The following MTMR11 variants were observed in gnomAD, a reference collection of about 807,000 sequenced individuals.
The protein encoded by MTMR11 is myotubularin related protein 11.
Under a neutral mutation model 100.0 loss-of-function variants are expected in MTMR11, and 89 were observed. That is an observed-to-expected ratio of 0.89 (90% CI 0.75 to 1.06). The LOEUF is 1.06. MTMR11 is among the 50% of genes least tolerant of loss of function. The probability of loss-of-function intolerance (pLI) is 0.00; values close to 1 mark genes in which losing one functional copy is unlikely to be tolerated. For synonymous variants in MTMR11, 336 were observed against 326.3 expected, an observed-to-expected ratio of 1.03 and a Z score of -0.32; for missense variants, 809 against 873.7, an observed-to-expected ratio of 0.93 and a Z score of 0.93.
chr1:149,931,919 G>A (rs1230140911), intron 12 of MTMR11, 25 bp downstream of exon 12: 1 of 1,587,136 alleles, frequency 6.3e-7, no homozygotes, highest in Non-Finnish European at 8.7e-7. Context: ...GCAAGGAATG[G>A]AATGGGCTTA....
At chr1:149,931,177 C>T in intron 13 of MTMR11, 83 bp downstream of exon 13, 1 of 1,573,318 alleles carries the variant, frequency 6.4e-7, no homozygotes, top group Admixed American at 1.7e-5. Context: ...CCGGATTCAC[C>T]TCCAATGGAT....
rs376225059 is a variant in MTMR11 at position 149,936,168 on chromosome 1, G to A, written c.128C>T (p.Ser43Phe). 14 of 1,613,982 alleles carry A rather than the reference G, an allele frequency of 8.7e-6. No homozygotes were observed. Among genetic ancestry groups the A allele is most frequent in the Non-Finnish European group, 1.1e-5 (13 of 1,180,000 alleles). The change falls in exon 2 of 17, where the codon TCC becomes TTC. Residue 43 changes from serine (S) to phenylalanine (F), a missense_variant. Physicochemically the swap from Ser to Phe is radical, Grantham distance 155. Coordinates refer to ENST00000439741, the MANE Select transcript of MTMR11 (RefSeq NM_001145862.2). ...RSRQPSSCLA[S>F]RCLPGEQILA... ...GGCATTATTACCTGGGAGGCATCTGGAGGCCAGGCAACTGCTAGGCTGACG... is the reference window on the plus strand; with the variant it reads ...GGCATTATTACCTGGGAGGCATCTGAAGGCCAGGCAACTGCTAGGCTGACG...
rs1553767433 is a variant in MTMR11 at position 149,930,917 on chromosome 1, G to A, written c.1339C>T (p.Gln447Ter). 12 of 1,612,722 alleles carry A rather than the reference G, an allele frequency of 7.4e-6. No homozygotes were observed. Among genetic ancestry groups the A allele is most frequent in the Admixed American group, 1.7e-5 (1 of 59,650 alleles). ...FLDCVWQLLQ[Q>*]FPADFEFSEF... ...GAGAATTCAAAATCAGCTGGAAACT[G>A]CTGGAGGAGCTGCCAGACACAATCA... is the stretch of plus-strand genomic sequence containing the variant. The change falls in exon 14 of 17, where the codon CAG (glutamine) becomes TAG (stop). Residue 447 changes from glutamine (Q) to a stop codon, truncating the protein, a stop_gained. Transcript: ENST00000439741. LOFTEE classifies it high-confidence loss of function.
At chr1:149,936,349 G>A in intron 1 of MTMR11, 120 bp from the exon 2 acceptor site, 4 of 1,510,690 alleles carry the variant, frequency 2.6e-6, no homozygotes, top group Non-Finnish European at 2.6e-6. Flanking sequence ...ATCAGTGTCT[G>A]TGGGGAGCTC....
chr1:149,934,039 G>A, intron 7 of MTMR11, 97 bp from the exon 8 acceptor site: 3 of 1,541,688 alleles, frequency 1.9e-6, no homozygotes, highest in Non-Finnish European at 2.7e-6. Flanking sequence ...ACCATTCCAA[G>A]GGATTTCAGG....
intron 16 of MTMR11, 27 bp downstream of exon 16, chr1:149,929,596 C>T: frequency 6.3e-7 from 1 of 1,592,720 alleles, no homozygotes; most frequent in Middle Eastern, 2.3e-4. Context: ...TCCCTTGTCC[C>T]ACTCCCAGTC....
Position 149,928,997 on chromosome 1 carries a change from T to C in MTMR11, c.*132A>G. 6.2e-7 allele frequency: 1 copy of C among 1,608,372 alleles called. No homozygotes were observed. The highest frequency in any genetic ancestry group is 8.5e-7 in the Non-Finnish European group (1 of 1,176,958). On this transcript the variant is annotated 3_prime_UTR_variant, in exon 17 of 17. Coordinates refer to ENST00000439741, the MANE Select transcript of MTMR11 (RefSeq NM_001145862.2). ...TTGTAGAAACTAAGCAAGACAAGAG[T>C]TGGAGCAGTTAACACCACTATCTGC... is the stretch of plus-strand genomic sequence containing the variant.
rs931559595 is a variant in MTMR11, at chr1:149,930,460, A to G, written c.1552T>C (p.Trp518Arg). Residue 518 changes from tryptophan (W) to arginine (R), a missense_variant, in exon 15 of 17, where the codon TGG becomes CGG. Physicochemically the swap from Trp to Arg is moderately radical, Grantham distance 101 (BLOSUM62 -3). Transcript: ENST00000439741. ...TGTGCATTGCTATAACGTAAATCCC[A>G]GTCCCAGACAGACAGCTGCAGGTTA... ...SFNLQLSVWD[W>R]DLRYSNAQIL... 2.5e-6 allele frequency: 4 copies of G among 1,614,094 alleles called. No individual in the cohort carries two copies. Among genetic ancestry groups the G allele is most frequent in the Non-Finnish European group, 3.4e-6 (4 of 1,179,966 alleles).
chr1:149,928,983 A>G lies in MTMR11; in HGVS notation c.*146T>C, dbSNP rs1553766681. The stretch of plus-strand genomic sequence containing the variant: ...AGAAGCAAAAATATTTGTAGAAACT[A>G]AGCAAGACAAGAGTTGGAGCAGTTA... On this transcript the variant is annotated 3_prime_UTR_variant, in exon 17 of 17. Coordinates refer to ENST00000439741, the MANE Select transcript of MTMR11 (RefSeq NM_001145862.2). 8 of 1,610,856 alleles carry G rather than the reference A, an allele frequency of 5.0e-6. No homozygotes were observed. The Admixed American group carries it at 1.0e-4, about 20-fold the overall frequency.
At chr1:149,930,672 G>A in intron 14 of MTMR11, 120 bp downstream of exon 14, 2 of 1,360,078 alleles carry the variant, frequency 1.5e-6, no homozygotes, top group Non-Finnish European at 2.0e-6. Context: ...CTGAAAATGA[G>A]AATAAATCTC....
chr1:149,929,385 C>T (rs2092624697), intron 16 of MTMR11, 68 bp from the exon 17 acceptor site: 1 of 1,401,202 alleles, frequency 7.1e-7, no homozygotes, highest in Non-Finnish European at 9.9e-7. Context: ...TTCTCTGCTA[C>T]TTCTGGTGTC....
At chr1:149,933,101 C>T (rs943562201) in intron 10 of MTMR11, among the ~76,000 whole-genome samples, 4 of 151,766 alleles carry the variant, frequency 2.6e-5, no homozygotes, top group African/African-American at 9.7e-5. Flanking sequence ...CATCGGCCAC[C>T]ACACCCAGCT....
In MTMR11 at chr1:149,930,896, A is replaced by T; in HGVS notation, c.1360T>A (p.Phe454Ile). The change falls in exon 14 of 17, where the codon TTC becomes ATC. Residue 454 changes from phenylalanine to isoleucine, a missense_variant. Phe to Ile is a conservative substitution (Grantham distance 21, BLOSUM62 0). Coordinates refer to ENST00000439741, the MANE Select transcript of MTMR11 (RefSeq NM_001145862.2). ...LLQQFPADFEFSEFFLLALHD... is the reference protein window; with the variant it reads ...LLQQFPADFEISEFFLLALHD... Reference sequence around the variant, plus strand: ...AGAGCAAGAAGGAAAAACTCAGAGAATTCAAAATCAGCTGGAAACTGCTGG... The same window carrying T: ...AGAGCAAGAAGGAAAAACTCAGAGATTTCAAAATCAGCTGGAAACTGCTGG... 1.9e-6 allele frequency: 3 copies of T among 1,613,462 alleles called. No individual in the cohort carries two copies. The highest frequency in any genetic ancestry group is 2.5e-6 in the Non-Finnish European group (3 of 1,179,768).
At position 149,931,359 on chromosome 1, in the gene MTMR11, G is replaced by A. The variant is rs2092658106; in HGVS notation, c.1191C>T (p.Ala397=). ...GTGATTGGAAGCCAAACAGTGTTCG[G>A]GCTTCGGGGGCTGAAAGCAGCTGGA... The part of the protein sequence containing the change: ...SLVQLLSAPE[A]RTLFGFQSLV... The change falls in exon 13 of 17, where the codon GCC becomes GCT. Residue 397 remains alanine, a synonymous_variant. Transcript: ENST00000439741. 2.5e-6 allele frequency: 4 copies of A among 1,613,964 alleles called. No homozygotes were observed. The highest frequency in any genetic ancestry group is 3.4e-6 in the Non-Finnish European group (4 of 1,179,994).
chr1:149,936,621 ACTCTGGCCCCGGCC>A lies in MTMR11; in HGVS notation c.13_26del (p.Gly5PhefsTer19). 6.5e-7 allele frequency: 1 copy of A among 1,539,220 alleles called. No homozygotes were observed. Among genetic ancestry groups the A allele is most frequent in the South Asian group, 1.2e-5 (1 of 83,464 alleles). Reference sequence around the variant, plus strand: ...CCTCCTTCTGGGGGGCAATGTTGAAACTCTGGCCCCGGCCCCCCCACCACATTTCTCTGGCTCCA... The same window carrying A: ...CCTCCTTCTGGGGGGCAATGTTGAAACCCCCACCACATTTCTCTGGCTCCA... On this transcript the variant is annotated frameshift_variant, in exon 1 of 17. Coordinates refer to ENST00000439741, the MANE Select transcript of MTMR11 (RefSeq NM_001145862.2). LOFTEE classifies it high-confidence loss of function.
In MTMR11 at chr1:149,935,283, C is replaced by T. The variant is rs2092708159; in HGVS notation, c.325+16G>A. The T allele has an allele frequency of 2.3e-6, 3 of 1,298,232 alleles. No individual in the cohort carries two copies. The highest frequency in any genetic ancestry group is 2.1e-6 in the Non-Finnish European group (2 of 961,318). The allele number at this position is 1,298,232 out of a possible 1,614,324, so 80.4% of individuals were successfully genotyped here. A position where few individuals can be genotyped will look rare whatever the true frequency, so the allele number is the denominator to read the frequency against. ...AACCCCAGTGAACCCCTTCACCAAA[C>T]CCCCCCCCAACTTACCAGCCTCTAA... On this transcript the variant is annotated intron_variant, in intron 4 of 16. Coordinates refer to ENST00000439741, the MANE Select transcript of MTMR11 (RefSeq NM_001145862.2).
At chr1:149,936,554 C>T (rs782635933) in intron 1 of MTMR11, 28 bp downstream of exon 1, 90 of 1,471,672 alleles carry the variant, frequency 6.1e-5, no homozygotes, top group Non-Finnish European at 8.2e-5. Context: ...ACCCTCTTGC[C>T]GACACCCCCC....
At position 149,932,032 on chromosome 1, in the gene MTMR11, G is replaced by T; in HGVS notation, c.1053-18C>A. 6.3e-7 allele frequency: 1 copy of T among 1,597,380 alleles called. No individual in the cohort carries two copies. ...GACAAGCCCTGGAGGAGCAGGTGAG[G>T]AAGAGGGAGGAAGAATGATAAGCCT... is the stretch of plus-strand genomic sequence containing the variant. On this transcript the variant is annotated intron_variant, in intron 11 of 16. Coordinates refer to ENST00000439741, the MANE Select transcript of MTMR11 (RefSeq NM_001145862.2).
intron 10 of MTMR11, 40 bp from the exon 11 acceptor site, chr1:149,932,370 AACTCAGG>A (rs1200380355): frequency 7.8e-6 from 12 of 1,539,306 alleles, no homozygotes; most frequent in Non-Finnish European, 1.1e-5. Context: ...AAGAGATTAG[AACTCAGG>A]ATTCAGGATT....
Sources: gnomAD v4.1 joint callset for allele counts (sites outside exome capture counted in the v4.1 genomes callset) on GRCh38, gnomAD v4.1.1 for gene constraint, MANE v1.5 for transcripts, NCBI Gene and HGNC (gene_info 2026-07-23, HGNC 2026-07-21) for gene names.